Variants in WWC2 observed in about 807,000 individuals in gnomAD.
WWC2 encodes the protein WW and C2 domain containing 2, also known as protein WWC2.
WWC2 carries 101 observed loss-of-function variants against 138.5 expected under a neutral mutation model. That is an observed-to-expected ratio of 0.73 (90% CI 0.62 to 0.86). The LOEUF is 0.86. WWC2 is among the 40% of genes least tolerant of loss of function. WWC2 has a pLI of 0.00. For synonymous variants in WWC2, 558 were observed against 538.4 expected (o/e 1.04, Z -0.50); for missense variants, 1,420 against 1,419.4 (o/e 1.00, Z -0.01).
At chr4:183,133,406 C>T (rs1469642980) in intron 1 of WWC2, among the ~76,000 whole-genome samples, 1 of 152,086 alleles carries the variant, frequency 6.6e-6, no homozygotes, top group Non-Finnish European at 1.5e-5. Flanking sequence ...AAATGTATGT[C>T]TTAATGCCAG....
At chr4:183,136,654 G>A (rs565482235) in intron 1 of WWC2, among the ~76,000 whole-genome samples, 5 of 152,270 alleles carry the variant, frequency 3.3e-5, no homozygotes, top group African/African-American at 7.2e-5. Flanking sequence ...CCTGCGAACC[G>A]CATGTTGCCC....
chr4:183,268,799 G>A (rs3926627), intron 14 of WWC2, among the ~76,000 whole-genome samples, 172 bp from the exon 15 acceptor site: 40,753 of 152,076 alleles, frequency 0.27, 6,088 homozygotes, highest in Non-Finnish European at 0.34. Flanking sequence ...GTGGGTTAAG[G>A]ACAGAGCATC....
intron 1 of WWC2, among the ~76,000 whole-genome samples, chr4:183,179,775 T>C (rs1210044624): frequency 6.6e-6 from 1 of 152,132 alleles, no homozygotes; most frequent in East Asian, 1.9e-4. Flanking sequence ...AGATGCTCTC[T>C]GATAAATCTG....
chr4:183,146,041 G>A (rs966713361), intron 1 of WWC2, among the ~76,000 whole-genome samples: 3 of 152,220 alleles, frequency 2.0e-5, no homozygotes, highest in Admixed American at 6.5e-5. Flanking sequence ...TCATATCGAT[G>A]GTAGGAAGGT....
At chr4:183,275,039 C>T (rs1737805530) in intron 16 of WWC2, among the ~76,000 whole-genome samples, 1 of 152,140 alleles carries the variant, frequency 6.6e-6, no homozygotes, top group Admixed American at 6.5e-5. Context: ...CTAACTGTAA[C>T]TTGATGTTCC....
At chr4:183,131,048 T>TA (rs1350972861) in intron 1 of WWC2, among the ~76,000 whole-genome samples, 4 of 152,198 alleles carry the variant, frequency 2.6e-5, no homozygotes, top group East Asian at 1.9e-4. Context: ...TGAGACATAA[T>TA]AAAAAATCCG....
At chr4:183,274,122 T>G (rs1737780457) in intron 16 of WWC2, among the ~76,000 whole-genome samples, 1 of 152,372 alleles carries the variant, frequency 6.6e-6, no homozygotes, top group Middle Eastern at 3.4e-3. Context: ...TTGATTACTA[T>G]AGCTTTGTAG....
intron 7 of WWC2, 87 bp downstream of exon 7, chr4:183,248,947 A>T (rs1736885160): frequency 7.8e-7 from 1 of 1,288,504 alleles, no homozygotes; most frequent in African/African-American, 1.5e-5. Flanking sequence ...AACCAGAAGT[A>T]TATGTGACTT....
Position 183,276,932 on chromosome 4 carries a change from A to C in WWC2, c.2563-3844A>C, listed in dbSNP as rs1188349991. ...TCCATTGATTCTGTTGAGCTTTTGG[A>C]GGACAACTTAATTGTTAGTTCATAC... On this transcript the variant is annotated intron_variant, in intron 16 of 22. Coordinates refer to ENST00000403733, the MANE Select transcript of WWC2 (RefSeq NM_024949.6). Among the ~76,000 whole-genome samples, 6 of 151,998 alleles carry C rather than the reference A, an allele frequency of 3.9e-5. No homozygotes were observed. The East Asian group carries it at 1.2e-3, about 29-fold the overall frequency.
rs1739565532 is a variant in WWC2, at chr4:183,319,599, T to TGA, written c.*3871_*3872dup. On this transcript the variant is annotated 3_prime_UTR_variant, in exon 23 of 23. Coordinates refer to ENST00000403733, the MANE Select transcript of WWC2 (RefSeq NM_024949.6). ...GTTTCTCGTCTCCAGTTCTTGATGA[T>TGA]GATCTTGTGTTTGTGCCACTGCGTA... 1 of 1,613,660 alleles carries TGA rather than the reference T, an allele frequency of 6.2e-7. No individual in the cohort carries two copies. The highest frequency in any genetic ancestry group is 1.1e-5 in the South Asian group (1 of 90,982).
intron 2 of WWC2, 25 bp from the exon 3 acceptor site, chr4:183,207,928 A>G (rs1382830211): frequency 1.3e-6 from 2 of 1,571,206 alleles, no homozygotes; most frequent in Admixed American, 1.9e-5. Flanking sequence ...AATTCTAAAA[A>G]GTACCCTCCA....
chr4:183,226,541 A>G (rs1264004253), intron 4 of WWC2, among the ~76,000 whole-genome samples: 1 of 152,114 alleles, frequency 6.6e-6, no homozygotes, highest in African/African-American at 2.4e-5. Flanking sequence ...TTTGCATTAA[A>G]AATCTTAAGG....
At chr4:183,185,599 C>T (rs1734767230) in intron 1 of WWC2, among the ~76,000 whole-genome samples, 2 of 152,094 alleles carry the variant, frequency 1.3e-5, no homozygotes, top group Admixed American at 1.3e-4. Context: ...AGCTATGTTT[C>T]CTTTTATTCG....
Position 183,099,339 on chromosome 4 carries a change from G to T in WWC2, c.-153G>T. 9.8e-6 allele frequency: 7 copies of T among 711,032 alleles called. No homozygotes were observed. The highest frequency in any genetic ancestry group is 1.3e-5 in the Non-Finnish European group (7 of 543,302). 44.0% of individuals were successfully genotyped at this position (711,032 alleles called of 1,614,324 possible). A position where few individuals can be genotyped will look rare whatever the true frequency, so the allele number is the denominator to read the frequency against. On this transcript the variant is annotated 5_prime_UTR_variant, in exon 1 of 23. Transcript: ENST00000403733. ...AACAGCGTTTCCTGAGGCACCTCCC[G>T]CGCGTGGTTCCGCCGCGCCCCGCGC...
intron 15 of WWC2, chr4:183,269,535 A>G (rs1359731802): frequency 2.1e-6 from 1 of 478,942 alleles, no homozygotes; most frequent in Admixed American, 2.4e-5. Context: ...CCTCATGACA[A>G]CCTGATGAAA....
chr4:183,209,710 A>C (rs1294404905), intron 4 of WWC2, among the ~76,000 whole-genome samples: 1 of 152,218 alleles, frequency 6.6e-6, no homozygotes, highest in Admixed American at 6.5e-5. Context: ...GTCAGACTTT[A>C]CTAGGTGCTC....
At chr4:183,189,402 A>C (rs986192153) in intron 1 of WWC2, among the ~76,000 whole-genome samples, 2 of 151,678 alleles carry the variant, frequency 1.3e-5, no homozygotes, top group Admixed American at 6.6e-5. Context: ...GCGCCACTGC[A>C]CTGTGGCCTG....
At chr4:183,217,773 G>C (rs1376624329) in intron 4 of WWC2, among the ~76,000 whole-genome samples, 1 of 152,128 alleles carries the variant, frequency 6.6e-6, no homozygotes, top group Non-Finnish European at 1.5e-5. Flanking sequence ...TTATCAGCAT[G>C]TCAGTGTCCT....
intron 2 of WWC2, among the ~76,000 whole-genome samples, chr4:183,205,335 C>T (rs1408749360): frequency 6.6e-6 from 1 of 152,204 alleles, no homozygotes; most frequent in Non-Finnish European, 1.5e-5. Flanking sequence ...CTCCTTTCAT[C>T]TGCTTACTGG....
Sources: gnomAD v4.1 joint callset for allele counts (sites outside exome capture counted in the v4.1 genomes callset) on GRCh38, gnomAD v4.1.1 for gene constraint, MANE v1.5 for transcripts, NCBI Gene and HGNC (gene_info 2026-07-23, HGNC 2026-07-21) for gene names.